Variants in C5orf22 observed in about 807,000 individuals in gnomAD.
C5orf22 encodes chromosome 5 open reading frame 22.
In C5orf22, 36 loss-of-function variants were observed where a neutral mutation model predicts 48.7. The ratio of observed to expected loss-of-function variants is 0.74; its 90% confidence interval spans 0.57 to 0.98. The LOEUF is 0.98. Among genes scored for constraint, C5orf22 ranks in the 50% least tolerant of loss-of-function variants. The pLI, the probability that C5orf22 is intolerant of heterozygous loss-of-function variation, is 0.00. For synonymous variants in C5orf22, 141 were observed against 180.8 expected, an observed-to-expected ratio of 0.78 and a Z score of 1.76; for missense variants, 486 against 521.9, an observed-to-expected ratio of 0.93 and a Z score of 0.67.
chr5:31,541,249 T>G, intron 5 of C5orf22, 32 bp from the exon 6 acceptor site: 1 of 1,599,296 alleles, frequency 6.3e-7, no homozygotes, highest in Non-Finnish European at 8.5e-7. Context: ...AAAGAATAAC[T>G]ATATAATCTC....
Position 31,554,781 on chromosome 5 carries a change from G to A in C5orf22, c.*1879G>A, listed in dbSNP as rs1743495562. 1 of 152,036 alleles carries A rather than the reference G, an allele frequency of 6.6e-6. No individual in the cohort carries two copies. The highest frequency in any genetic ancestry group is 1.5e-5 in the Non-Finnish European group (1 of 68,010). The allele number at this position is 152,036 out of a possible 1,614,324, so 9.4% of individuals were successfully genotyped here. On this transcript the variant is annotated 3_prime_UTR_variant, in exon 9 of 9. Coordinates refer to ENST00000325366, the MANE Select transcript of C5orf22 (RefSeq NM_018356.3). ...TATGATTCATTGTGGTTTTAACTCA[G>A]GTTGAATAAAAGCATCCATTTCTTT... is the stretch of plus-strand genomic sequence containing the variant.
intron 1 of C5orf22, among the ~76,000 whole-genome samples, chr5:31,533,550 T>C (rs946786431): frequency 1.3e-5 from 2 of 152,188 alleles, no homozygotes; most frequent in Non-Finnish European, 2.9e-5. Context: ...ATAGTGTCTA[T>C]GACCTTGAGA....
At chr5:31,547,988 T>G (rs560493439) in intron 7 of C5orf22, among the ~76,000 whole-genome samples, 1 of 152,332 alleles carries the variant, frequency 6.6e-6, no homozygotes, top group South Asian at 2.1e-4. Flanking sequence ...CAAACTTTTA[T>G]GCCCTGTTTC....
rs775839415 is a variant in C5orf22, at chr5:31,535,098, A to C, written c.228-646A>C. 5.2e-4 allele frequency: 226 copies of C among 433,114 alleles called. 1 individual carries two copies. Among genetic ancestry groups the C allele is most frequent in the Admixed American group, 1.9e-4 (7 of 37,336 alleles). 26.8% of individuals were successfully genotyped at this position (433,114 alleles called of 1,614,324 possible). On this transcript the variant is annotated intron_variant, in intron 2 of 8. Coordinates refer to ENST00000325366, the MANE Select transcript of C5orf22 (RefSeq NM_018356.3). ...GAATATTTTGATAGCCTTTTTAGAT[A>C]ATTGTGAATATTCTTTGATAGTGCG...
At chr5:31,551,866 T>C (rs1230998336) in intron 8 of C5orf22, among the ~76,000 whole-genome samples, 1 of 152,222 alleles carries the variant, frequency 6.6e-6, no homozygotes, top group Non-Finnish European at 1.5e-5. Context: ...GGTGATTTTT[T>C]ATAGCAGCAG....
chr5:31,533,286 C>T (rs564033135), intron 1 of C5orf22, among the ~76,000 whole-genome samples: 1 of 151,826 alleles, frequency 6.6e-6, no homozygotes, highest in South Asian at 2.1e-4. Flanking sequence ...AAATTTAACA[C>T]GGTGCCCTGC....
Position 31,545,717 on chromosome 5 carries a change from A to C in C5orf22, c.1059+5A>C, listed in dbSNP as rs1742841217. ...GAAGTACCAGACTATGAAATGGTAA[A>C]TATTTTATATTAATGTGTAAAATTG... On this transcript the variant is annotated splice_donor_5th_base_variant and intron_variant, in intron 7 of 8. Transcript: ENST00000325366. The C allele has an allele frequency of 6.4e-7, 1 of 1,555,546 alleles. No homozygotes were observed. Among genetic ancestry groups the C allele is most frequent in the East Asian group, 2.3e-5 (1 of 44,334 alleles).
chr5:31,535,981 C>G, intron 3 of C5orf22, 88 bp downstream of exon 3: 5 of 1,316,844 alleles, frequency 3.8e-6, no homozygotes, highest in Non-Finnish European at 5.3e-6. Context: ...AGTCTCTGCA[C>G]ACAAATAGGG....
At chr5:31,535,009 C>A (rs1240575254) in intron 2 of C5orf22, 1 of 454,472 alleles carries the variant, frequency 2.2e-6, no homozygotes, top group East Asian at 7.0e-5. Context: ...TTGCCATATG[C>A]TGTTTTGGTT....
intron 4 of C5orf22, 59 bp downstream of exon 4, chr5:31,538,748 G>A: frequency 7.6e-7 from 1 of 1,309,284 alleles, no homozygotes; most frequent in Non-Finnish European, 1.1e-6. Context: ...TTCTCTAGAT[G>A]AGGAACCAGC....
chr5:31,548,033 G>GGTTC (rs1743004115), intron 7 of C5orf22, among the ~76,000 whole-genome samples: 1 of 152,162 alleles, frequency 6.6e-6, no homozygotes, highest in Non-Finnish European at 1.5e-5. Flanking sequence ...CAGGCACAGT[G>GGTTC]GTTCACGCCT....
Position 31,532,381 on chromosome 5 carries a change from G to T in C5orf22, c.-12G>T, listed in dbSNP as rs762526394. On this transcript the variant is annotated 5_prime_UTR_variant, in exon 1 of 9. Coordinates refer to ENST00000325366, the MANE Select transcript of C5orf22 (RefSeq NM_018356.3). The stretch of plus-strand genomic sequence containing the variant: ...GCCACCGCTTTACTGCAAAACTGAC[G>T]GGCGCAAAAACATGAGTGACTCCGC... 5.0e-6 allele frequency: 8 copies of T among 1,613,846 alleles called. No individual in the cohort carries two copies. In the Admixed American group the frequency reaches 1.3e-4, roughly 27 times the overall value.
chr5:31,538,225 A>G (rs1337999262), intron 3 of C5orf22, 35 bp from the exon 4 acceptor site: 14 of 1,488,764 alleles, frequency 9.4e-6, no homozygotes, highest in African/African-American at 1.4e-5. Context: ...TGATTTGCCC[A>G]TTCTTCTTAA....
At chr5:31,546,782 C>T (rs949689184) in intron 7 of C5orf22, among the ~76,000 whole-genome samples, 13 of 152,160 alleles carry the variant, frequency 8.5e-5, no homozygotes, top group African/African-American at 2.7e-4. Context: ...ATTCAATCAC[C>T]TCCCATCGGC....
intron 5 of C5orf22, 132 bp from the exon 6 acceptor site, chr5:31,541,149 T>TGG: frequency 1.0e-6 from 1 of 980,892 alleles, no homozygotes; most frequent in Non-Finnish European, 1.5e-6. Flanking sequence ...TGTGTGTGTG[T>TGG]ATTGGCGAAG....
intron 7 of C5orf22, among the ~76,000 whole-genome samples, chr5:31,549,487 A>G (rs1349461665): frequency 6.6e-6 from 1 of 151,740 alleles, no homozygotes; most frequent in Non-Finnish European, 1.5e-5. Flanking sequence ...TTCCCCTGGG[A>G]GCATATATTC....
intron 7 of C5orf22, among the ~76,000 whole-genome samples, chr5:31,550,608 C>A (rs1001053777): frequency 2.0e-5 from 3 of 151,970 alleles, no homozygotes; most frequent in Non-Finnish European, 4.4e-5. Flanking sequence ...TCTTGTTGCC[C>A]AGGCTGGAGT....
chr5:31,538,686 T>C lies in C5orf22; in HGVS notation c.804T>C (p.Thr268=). ...SVKNPFKEMF[T]QEEYKILQEL... ...AGAATCCCTTCAAAGAAATGTTCAC[T>C]CAGGTAAATAATTGTGTTTTTAACA... The change falls in exon 4 of 9, where the codon ACT becomes ACC. Residue 268 remains threonine (T), a synonymous_variant. Transcript: ENST00000325366. The C allele has an allele frequency of 6.2e-7, 1 of 1,606,086 alleles. No individual in the cohort carries two copies. The highest frequency in any genetic ancestry group is 8.5e-7 in the Non-Finnish European group (1 of 1,174,772).
At chr5:31,533,892 C>G (rs1021709905) in intron 1 of C5orf22, among the ~76,000 whole-genome samples, 1 of 151,978 alleles carries the variant, frequency 6.6e-6, no homozygotes, top group African/African-American at 2.4e-5. Flanking sequence ...ACTGACAAGC[C>G]CCTATCCCTT....
Sources: allele counts gnomAD v4.1 joint callset (sites outside exome capture counted in the v4.1 genomes callset), GRCh38; gene constraint gnomAD v4.1.1; transcripts MANE v1.5; gene names NCBI Gene and HGNC (gene_info 2026-07-23, HGNC 2026-07-21).